The following PDCD11 variants were observed in gnomAD, a reference collection of about 807,000 sequenced individuals.
PDCD11 encodes programmed cell death 11, also known as protein RRP5 homolog.
PDCD11 carries 97 observed loss-of-function variants against 198.9 expected under a neutral mutation model. The ratio of observed to expected loss-of-function variants is 0.49; its 90% CI spans 0.41 to 0.58. PDCD11 has a LOEUF of 0.58. PDCD11 is among the 20% of genes least tolerant of loss of function. The pLI is 0.00. For synonymous variants in PDCD11, 893 were observed against 918.0 expected (o/e 0.97, Z 0.49); for missense variants, 2,102 against 2,312.7 (o/e 0.91, Z 1.87).
At position 103,403,184 on chromosome 10, in the gene PDCD11, A is replaced by C. The variant is rs1167276324; in HGVS notation, c.301A>C (p.Ser101Arg). ...GGTGAATGAACTGGAACTGGTGATTAGTCTCCCCAATGGCCTCCAGGGCTT... is the reference window on the plus strand; with the variant it reads ...GGTGAATGAACTGGAACTGGTGATTCGTCTCCCCAATGGCCTCCAGGGCTT... ...KEVNELELVI[S>R]LPNGLQGFVQ... The change falls in exon 4 of 36, where the codon AGT becomes CGT. Residue 101 changes from serine to arginine, a missense_variant. By Grantham distance (110) the Ser-to-Arg change is moderately radical. Coordinates refer to ENST00000369797, the MANE Select transcript of PDCD11 (RefSeq NM_014976.2). 1 of 1,614,120 alleles carries C rather than the reference A, an allele frequency of 6.2e-7. No individual in the cohort carries two copies. Among genetic ancestry groups the C allele is most frequent in the East Asian group, 2.2e-5 (1 of 44,880 alleles).
chr10:103,440,143 C>G, intron 28 of PDCD11, 147 bp from the exon 29 acceptor site: 2 of 1,273,778 alleles, frequency 1.6e-6, no homozygotes. Flanking sequence ...TTGTGCAAAT[C>G]ATTCTTGAGA....
chr10:103,401,309 G>C (rs2030030689), intron 3 of PDCD11, among the ~76,000 whole-genome samples: 1 of 152,058 alleles, frequency 6.6e-6, no homozygotes, highest in East Asian at 1.9e-4. Flanking sequence ...ATCTCTCTCT[G>C]TTGCGCAGTC....
In PDCD11 at chr10:103,432,309, G is replaced by T; in HGVS notation, c.3474+75G>T. 2.8e-6 allele frequency: 3 copies of T among 1,061,910 alleles called. No individual in the cohort carries two copies. The Admixed American group carries it at 5.4e-5, about 19-fold the overall frequency. The allele number at this position is 1,061,910 out of a possible 1,614,324, so 65.8% of individuals were successfully genotyped here. A position where few individuals can be genotyped will look rare whatever the true frequency, so the allele number is the denominator to read the frequency against. Reference sequence around the variant, plus strand: ...AAAGGTCATGACGTTGGAGAGAAAAGCCATTAGCAGAGAAAGGCATTTGAG... The same window carrying T: ...AAAGGTCATGACGTTGGAGAGAAAATCCATTAGCAGAGAAAGGCATTTGAG... On this transcript the variant is annotated intron_variant, in intron 22 of 35. Transcript: ENST00000369797.
At chr10:103,405,815 G>T (rs2030409484) in intron 5 of PDCD11, among the ~76,000 whole-genome samples, 170 bp from the exon 6 acceptor site, 1 of 152,230 alleles carries the variant, frequency 6.6e-6, no homozygotes, top group African/African-American at 2.4e-5. Flanking sequence ...AAGCCTGGGA[G>T]TGTTGAATTT....
intron 21 of PDCD11, 117 bp downstream of exon 21, chr10:103,427,508 T>C (rs1422882090): frequency 4.9e-6 from 4 of 824,478 alleles, no homozygotes; most frequent in Non-Finnish European, 7.7e-6. Context: ...CCTTTCTCTG[T>C]CCAAGTTTTC....
intron 21 of PDCD11, among the ~76,000 whole-genome samples, chr10:103,431,456 G>C (rs1307716963): frequency 6.6e-6 from 1 of 152,016 alleles, no homozygotes; most frequent in East Asian, 1.9e-4. Flanking sequence ...AGCTGGGTGT[G>C]GTGGCGGGTG....
intron 8 of PDCD11, among the ~76,000 whole-genome samples, chr10:103,411,288 A>C (rs1450745792): frequency 6.6e-6 from 1 of 152,198 alleles, no homozygotes; most frequent in East Asian, 1.9e-4. Flanking sequence ...AATATATGTT[A>C]TTCAGAATTT....
chr10:103,438,596 A>G (rs1334256297), intron 26 of PDCD11, 90 bp from the exon 27 acceptor site: 1 of 1,529,284 alleles, frequency 6.5e-7, no homozygotes, highest in Non-Finnish European at 9.0e-7. Flanking sequence ...TCATATTCTT[A>G]TTTACTAAGT....
rs149086019 is a variant in PDCD11, at chr10:103,423,133, C to T, written c.2643C>T (p.Arg881=). Residue 881 remains arginine (R), a synonymous_variant, in exon 18 of 36, where the codon CGC becomes CGT. Transcript: ENST00000369797. ...TCCTGAAAGCCAGCAGATACCATCG[C>T]GCAGGTGAGTGCTTCTGTCTTACCC... ...DLVLKASRYH[R]AGQEVESGQK... 3.1e-4 allele frequency: 486 copies of T among 1,574,408 alleles called. 1 individual carries two copies. Among genetic ancestry groups the T allele is most frequent in the Non-Finnish European group, 3.9e-4 (449 of 1,161,432 alleles).
chr10:103,425,061 G>A lies in PDCD11; in HGVS notation c.2841G>A (p.Thr947=). ...TTGCCATTGCCTCCTTGGTAGAGAC[G>A]GGCCACCTGGCAGCTTTCTCCCTGA... The part of the protein sequence containing the change: ...KSFAIASLVE[T]GHLAAFSLTS... Residue 947 remains threonine, a synonymous_variant, in exon 20 of 36, where the codon ACG becomes ACA. Transcript: ENST00000369797. 1 of 1,614,198 alleles carries A rather than the reference G, an allele frequency of 6.2e-7. No individual in the cohort carries two copies. Among genetic ancestry groups the A allele is most frequent in the East Asian group, 2.2e-5 (1 of 44,876 alleles).
chr10:103,432,086 T>G, intron 21 of PDCD11, 43 bp from the exon 22 acceptor site: 1 of 1,455,086 alleles, frequency 6.9e-7, no homozygotes, highest in Non-Finnish European at 9.7e-7. Flanking sequence ...GGAAGTCTTA[T>G]CCAGAGATGG....
intron 26 of PDCD11, 147 bp from the exon 27 acceptor site, chr10:103,438,539 G>C (rs2032246725): frequency 9.5e-7 from 1 of 1,052,520 alleles, no homozygotes; most frequent in South Asian, 1.6e-5. Flanking sequence ...TGTTAGGAGA[G>C]AGTAGAGTTG....
intron 7 of PDCD11, among the ~76,000 whole-genome samples, chr10:103,409,310 CCCTTTTTTTTTTAA>C (rs1047665404): frequency 2.1e-5 from 3 of 145,926 alleles, no homozygotes; most frequent in Non-Finnish European, 3.0e-5. Context: ...CTTTTGCAAG[CCCTTTTTTTTTTAA>C]CCTTTTTTTT....
chr10:103,404,684 A>G (rs939882512), intron 4 of PDCD11, among the ~76,000 whole-genome samples: 9 of 152,244 alleles, frequency 5.9e-5, no homozygotes, highest in East Asian at 1.9e-4. Context: ...TGGTGATTCT[A>G]TGGGAGATAG....
At chr10:103,416,315 A>G (rs2031104775) in intron 12 of PDCD11, among the ~76,000 whole-genome samples, 176 bp from the exon 13 acceptor site, 1 of 152,200 alleles carries the variant, frequency 6.6e-6, no homozygotes, top group Non-Finnish European at 1.5e-5. Context: ...AGTGATTTGT[A>G]TGCTCCAGAT....
At chr10:103,403,494 TAAAG>T (rs1374233225) in intron 4 of PDCD11, among the ~76,000 whole-genome samples, 1 of 151,910 alleles carries the variant, frequency 6.6e-6, no homozygotes, top group African/African-American at 2.4e-5. Flanking sequence ...GTTCCCTAGA[TAAAG>T]AAGGAAAGGC....
intron 30 of PDCD11, 71 bp from the exon 31 acceptor site, chr10:103,441,755 G>C (rs1312204965): frequency 1.5e-5 from 22 of 1,447,140 alleles, no homozygotes; most frequent in Non-Finnish European, 2.1e-5. Flanking sequence ...GCTCCTCCAG[G>C]TGGGCTGGCA....
chr10:103,418,866 G>A (rs1324251963), intron 15 of PDCD11, among the ~76,000 whole-genome samples: 3 of 152,308 alleles, frequency 2.0e-5, no homozygotes, highest in Admixed American at 6.5e-5. Flanking sequence ...GGGGACTCTC[G>A]GAGGCTGGAG....
At chr10:103,409,336 T>TC (rs397937895) in intron 7 of PDCD11, among the ~76,000 whole-genome samples, 1 of 151,888 alleles carries the variant, frequency 6.6e-6, no homozygotes, top group Non-Finnish European at 1.5e-5. Context: ...CTTTTTTTTT[T>TC]ACCTTCCTAT....
Sources: allele counts gnomAD v4.1 joint callset (sites outside exome capture counted in the v4.1 genomes callset), GRCh38; gene constraint gnomAD v4.1.1; transcripts MANE v1.5; gene names NCBI Gene and HGNC (gene_info 2026-07-23, HGNC 2026-07-21).